The following PCP4 variants were observed in gnomAD, a reference collection of about 807,000 sequenced individuals.
The protein encoded by PCP4 is calmodulin regulator protein PCP4.
A neutral mutation model predicts 10.0 loss-of-function variants in PCP4; 8 were observed. The ratio of observed to expected loss-of-function variants is 0.80; its 90% CI spans 0.47 to 1.45. The LOEUF (loss-of-function observed/expected upper bound fraction) is 1.45. PCP4 is among the 40% of genes most tolerant of loss of function. The pLI is 0.00. For synonymous variants in PCP4, 21 were observed against 23.0 expected (o/e 0.91, Z 0.24); for missense variants, 54 against 74.4 (o/e 0.73, Z 1.01).
chr21:39,879,850 A>G (rs898372562), intron 1 of PCP4, among the ~76,000 whole-genome samples: 3 of 152,284 alleles, frequency 2.0e-5, no homozygotes, highest in East Asian at 1.9e-4. Context: ...TGTGGCCCCA[A>G]TGAAAAATCA....
intron 2 of PCP4, among the ~76,000 whole-genome samples, chr21:39,918,249 G>A (rs62236579): frequency 6.6e-6 from 1 of 152,024 alleles, no homozygotes; most frequent in Non-Finnish European, 1.5e-5. Flanking sequence ...TAAATTTGGA[G>A]GAAGATCTGA....
intron 1 of PCP4, among the ~76,000 whole-genome samples, chr21:39,891,496 C>A (rs751481190): frequency 1.3e-4 from 20 of 152,330 alleles, no homozygotes; most frequent in East Asian, 1.9e-4. Flanking sequence ...GGGTCCAGCC[C>A]TACGGGGCTT....
rs1432816682 is a variant in PCP4 at position 39,906,344 on chromosome 21, AC to A, written c.61+7819del. On this transcript the variant is annotated intron_variant, in intron 2 of 2. Coordinates refer to ENST00000328619, the MANE Select transcript of PCP4 (RefSeq NM_006198.3). The surrounding 1 kb of genome is among the most constrained non-coding windows in gnomAD (Gnocchi z 6.3). Reference sequence around the variant, plus strand: ...AGTTAATGGGCTACATCTTAGCCAAACCAGAAACTATTGTATCCATAGTACC... The same window carrying A: ...AGTTAATGGGCTACATCTTAGCCAAACAGAAACTATTGTATCCATAGTACC... 2.0e-5 allele frequency among the ~76,000 whole-genome samples: 3 copies of A among 152,332 alleles called. No individual in the cohort carries two copies. Among genetic ancestry groups the A allele is most frequent in the African/African-American group, 7.2e-5 (3 of 41,568 alleles).
At chr21:39,921,749 C>A (rs2087597654) in intron 2 of PCP4, among the ~76,000 whole-genome samples, 1 of 152,188 alleles carries the variant, frequency 6.6e-6, no homozygotes, top group Non-Finnish European at 1.5e-5. Context: ...AGAAACCACA[C>A]CTGCTAACAC....
intron 1 of PCP4, among the ~76,000 whole-genome samples, chr21:39,877,861 C>G (rs796114433): frequency 3.3e-5 from 5 of 152,292 alleles, no homozygotes; most frequent in African/African-American, 1.2e-4. Flanking sequence ...TGAGGAAGAG[C>G]ATTCTGAACC....
intron 2 of PCP4, among the ~76,000 whole-genome samples, chr21:39,910,604 C>T (rs541386943): frequency 6.6e-6 from 1 of 152,308 alleles, no homozygotes; most frequent in Non-Finnish European, 1.5e-5. Context: ...AGGTTCCTCC[C>T]AGGTAACTCT....
chr21:39,909,800 C>CT (rs11420148), intron 2 of PCP4, among the ~76,000 whole-genome samples: 127,399 of 143,616 alleles, frequency 0.89, 56,564 homozygotes, highest in Middle Eastern at 0.96. Flanking sequence ...CTTTTCTTTT[C>CT]TTTTTTTTTT....
Position 39,929,202 on chromosome 21 carries a change from A to G in PCP4, c.*91A>G. On this transcript the variant is annotated 3_prime_UTR_variant, in exon 3 of 3. Transcript: ENST00000328619. The stretch of plus-strand genomic sequence containing the variant: ...AAGAACAACACCCTAGAGAGAAGTC[A>G]TCCACACACAATCCACACACGCATA... 2 of 1,294,008 alleles carry G rather than the reference A, an allele frequency of 1.5e-6. No homozygotes were observed. The highest frequency in any genetic ancestry group is 2.1e-6 in the Non-Finnish European group (2 of 931,324). 80.2% of individuals were successfully genotyped at this position (1,294,008 alleles called of 1,614,324 possible).
intron 1 of PCP4, among the ~76,000 whole-genome samples, chr21:39,896,397 G>A (rs927076585): frequency 2.0e-5 from 3 of 152,194 alleles, no homozygotes; most frequent in Admixed American, 1.3e-4. Context: ...CTCGGATTTG[G>A]TCCAACTCAG....
chr21:39,890,424 C>T (rs532599897), intron 1 of PCP4, among the ~76,000 whole-genome samples: 3 of 152,166 alleles, frequency 2.0e-5, no homozygotes, highest in African/African-American at 7.2e-5. Context: ...GGCATGATCT[C>T]GGTTCAGTGC....
chr21:39,889,964 C>T (rs771494844), intron 1 of PCP4, among the ~76,000 whole-genome samples: 1 of 152,132 alleles, frequency 6.6e-6, no homozygotes, highest in Non-Finnish European at 1.5e-5. Context: ...TGATCTGTCT[C>T]GTGTTCTGGG....
At chr21:39,901,216 A>T (rs2087480999) in intron 2 of PCP4, among the ~76,000 whole-genome samples, 1 of 152,220 alleles carries the variant, frequency 6.6e-6, no homozygotes, top group East Asian at 1.9e-4. Context: ...CTTTAAGATC[A>T]AACTCTTACC....
chr21:39,924,151 C>T (rs2087609952), intron 2 of PCP4, among the ~76,000 whole-genome samples: 3 of 152,168 alleles, frequency 2.0e-5, no homozygotes, highest in Admixed American at 6.5e-5. Flanking sequence ...GACACAGACA[C>T]CCTGAGGCTG....
chr21:39,880,136 A>ATATCTG (rs2087366668), intron 1 of PCP4, among the ~76,000 whole-genome samples: 2 of 66,164 alleles, frequency 3.0e-5, no homozygotes, highest in East Asian at 6.9e-4. Flanking sequence ...ATCTGTATCT[A>ATATCTG]TATCTATATC....
intron 2 of PCP4, among the ~76,000 whole-genome samples, chr21:39,911,970 G>A (rs1466701536): frequency 6.6e-6 from 1 of 152,138 alleles, no homozygotes; most frequent in African/African-American, 2.4e-5. Context: ...AGGTCACCCC[G>A]GCCATTCACA....
intron 1 of PCP4, among the ~76,000 whole-genome samples, chr21:39,884,367 C>T (rs528374486): frequency 6.6e-5 from 10 of 151,750 alleles, no homozygotes; most frequent in Middle Eastern, 6.8e-3. Flanking sequence ...TTAGTAGAGA[C>T]GGGGTTTCAC....
At chr21:39,921,223 C>T (rs1367863725) in intron 2 of PCP4, among the ~76,000 whole-genome samples, 3 of 152,232 alleles carry the variant, frequency 2.0e-5, no homozygotes, top group Admixed American at 2.0e-4. Context: ...GATGCTTTTC[C>T]CCCAGAGCTA....
chr21:39,924,317 C>T (rs1292684984), intron 2 of PCP4, among the ~76,000 whole-genome samples: 4 of 152,118 alleles, frequency 2.6e-5, no homozygotes, highest in Non-Finnish European at 5.9e-5. Context: ...CTTTTGTTTT[C>T]CAGATGAGAA....
intron 2 of PCP4, among the ~76,000 whole-genome samples, chr21:39,925,605 C>T (rs1017581312): frequency 6.6e-6 from 1 of 152,198 alleles, no homozygotes; most frequent in African/African-American, 2.4e-5. Context: ...GCAATGCAGG[C>T]TTGGGGGTGT....
Sources: gnomAD v4.1 joint callset for allele counts (sites outside exome capture counted in the v4.1 genomes callset) on GRCh38, gnomAD v4.1.1 for gene constraint, Gnocchi (gnomAD v3.1) non-coding constraint, MANE v1.5 for transcripts, NCBI Gene and HGNC (gene_info 2026-07-23, HGNC 2026-07-21) for gene names.